The following NDUFAF2 variants were observed in gnomAD, a reference collection of about 807,000 sequenced individuals.
NDUFAF2 encodes the protein NADH:ubiquinone oxidoreductase complex assembly factor 2, also known as NADH dehydrogenase [ubiquinone] 1 alpha subcomplex assembly factor 2.
In NDUFAF2, 13 loss-of-function variants were observed where a neutral mutation model predicts 22.8. The ratio of observed to expected loss-of-function variants is 0.57; its 90% CI spans 0.37 to 0.91. The LOEUF is 0.91. Among genes scored for constraint, NDUFAF2 ranks in the 40% least tolerant of loss-of-function variants. NDUFAF2 has a pLI of 0.01. For missense variants in NDUFAF2, 162 were observed against 195.2 expected (o/e 0.83, Z 1.01); for synonymous variants, 53 against 64.2 (o/e 0.83, Z 0.84).
chr5:61,103,898 C>T (rs1051472224), intron 3 of NDUFAF2, among the ~76,000 whole-genome samples: 1 of 151,956 alleles, frequency 6.6e-6, no homozygotes, highest in African/African-American at 2.4e-5. Context: ...CCCATACAGC[C>T]ATTCTGTTTT....
chr5:61,056,449 T>G (rs1752090420), intron 1 of NDUFAF2, among the ~76,000 whole-genome samples: 1 of 152,220 alleles, frequency 6.6e-6, no homozygotes, highest in South Asian at 2.1e-4. Flanking sequence ...AGCCTGCCTT[T>G]TGGTGCAATC....
chr5:61,077,758 A>G (rs1752387288), intron 2 of NDUFAF2, among the ~76,000 whole-genome samples: 1 of 152,326 alleles, frequency 6.6e-6, no homozygotes, highest in Admixed American at 6.5e-5. Context: ...TGACCTTTGA[A>G]CAAAAGCTTG....
intron 3 of NDUFAF2, among the ~76,000 whole-genome samples, chr5:61,110,614 T>A (rs1752828117): frequency 6.6e-6 from 1 of 152,090 alleles, no homozygotes. Flanking sequence ...GGCTTATAGT[T>A]GCTCATAGTA....
At chr5:61,124,590 A>C (rs184569396) in intron 3 of NDUFAF2, among the ~76,000 whole-genome samples, 1 of 152,198 alleles carries the variant, frequency 6.6e-6, no homozygotes, top group African/African-American at 2.4e-5. Context: ...TGTATTGTAC[A>C]TGTAGCTATT....
At chr5:61,069,536 G>A (rs1364130826) in intron 1 of NDUFAF2, among the ~76,000 whole-genome samples, 3 of 152,068 alleles carry the variant, frequency 2.0e-5, no homozygotes, top group African/African-American at 7.2e-5. Context: ...TGAGTATTGA[G>A]GAAAAATGCA....
At chr5:61,061,093 G>A (rs1049770718) in intron 1 of NDUFAF2, among the ~76,000 whole-genome samples, 2 of 152,086 alleles carry the variant, frequency 1.3e-5, no homozygotes, top group African/African-American at 4.8e-5. Context: ...ACCCTAGGAA[G>A]GCAGTATTTG....
intron 2 of NDUFAF2, among the ~76,000 whole-genome samples, chr5:61,074,413 C>T (rs1012837128): frequency 2.0e-5 from 3 of 152,098 alleles, no homozygotes; most frequent in African/African-American, 7.2e-5. Flanking sequence ...ATGGTGAAAC[C>T]CCGTCTCTAC....
intron 1 of NDUFAF2, 142 bp downstream of exon 1, chr5:60,945,524 C>A: frequency 8.2e-7 from 1 of 1,213,224 alleles, no homozygotes; most frequent in South Asian, 1.3e-5. Flanking sequence ...GTTCGTTCTC[C>A]CCTGTCGACC....
At chr5:60,996,135 C>T (rs1171190052) in intron 1 of NDUFAF2, among the ~76,000 whole-genome samples, 5 of 151,988 alleles carry the variant, frequency 3.3e-5, no homozygotes, top group Admixed American at 3.3e-4. Context: ...GGTGCTGTAC[C>T]CCACTGTGGC....
At chr5:60,954,102 G>A (rs1750582860) in intron 1 of NDUFAF2, among the ~76,000 whole-genome samples, 2 of 152,110 alleles carry the variant, frequency 1.3e-5, no homozygotes, top group South Asian at 4.1e-4. Flanking sequence ...AAAGTAGCTG[G>A]TAACTAGGAC....
chr5:60,978,203 G>A (rs1750928571), intron 1 of NDUFAF2, among the ~76,000 whole-genome samples: 1 of 152,174 alleles, frequency 6.6e-6, no homozygotes, highest in East Asian at 1.9e-4. Context: ...ACCAGCCCTA[G>A]TCAGAAGTGA....
chr5:61,014,060 G>A (rs928261344), intron 1 of NDUFAF2, among the ~76,000 whole-genome samples: 4 of 152,176 alleles, frequency 2.6e-5, no homozygotes, highest in Non-Finnish European at 4.4e-5. Flanking sequence ...TCATGAGATG[G>A]CTGGTGGCAA....
intron 1 of NDUFAF2, among the ~76,000 whole-genome samples, chr5:61,041,460 G>A (rs1315040493): frequency 6.6e-6 from 1 of 152,054 alleles, no homozygotes; most frequent in Non-Finnish European, 1.5e-5. Flanking sequence ...GATTCCCAGT[G>A]TTGGTTTTAA....
intron 3 of NDUFAF2, among the ~76,000 whole-genome samples, chr5:61,144,578 C>G (rs1202628330): frequency 6.6e-6 from 1 of 152,170 alleles, no homozygotes; most frequent in Non-Finnish European, 1.5e-5. Context: ...CACCTCTGGT[C>G]TGAGTGTGGC....
chr5:60,999,749 T>A (rs1240765397), intron 1 of NDUFAF2, among the ~76,000 whole-genome samples: 1 of 152,104 alleles, frequency 6.6e-6, no homozygotes, highest in Non-Finnish European at 1.5e-5. Flanking sequence ...CTAGTTACAC[T>A]AGTTTGTAGG....
At chr5:60,988,497 C>T (rs1249928009) in intron 1 of NDUFAF2, among the ~76,000 whole-genome samples, 1 of 152,072 alleles carries the variant, frequency 6.6e-6, no homozygotes, top group Non-Finnish European at 1.5e-5. Context: ...AAGAACAAAC[C>T]TGGAGGCATA....
intron 2 of NDUFAF2, among the ~76,000 whole-genome samples, chr5:61,074,515 G>T (rs1479709981): frequency 2.7e-5 from 4 of 149,692 alleles, no homozygotes; most frequent in African/African-American, 9.9e-5. Flanking sequence ...TGAACCCGGG[G>T]GGCAGAGGTT....
At chr5:61,005,626 C>A (rs1173317506) in intron 1 of NDUFAF2, among the ~76,000 whole-genome samples, 1 of 152,146 alleles carries the variant, frequency 6.6e-6, no homozygotes, top group African/African-American at 2.4e-5. Context: ...TAATGATCAC[C>A]ATTCTAACTG....
intron 2 of NDUFAF2, among the ~76,000 whole-genome samples, chr5:61,092,248 G>A (rs1165312701): frequency 6.6e-6 from 1 of 152,018 alleles, no homozygotes; most frequent in Non-Finnish European, 1.5e-5. Flanking sequence ...TTCTAGTTCT[G>A]TGAAGAACGT....
Sources: gnomAD v4.1 joint callset for allele counts (sites outside exome capture counted in the v4.1 genomes callset) on GRCh38, gnomAD v4.1.1 for gene constraint, MANE v1.5 for transcripts, NCBI Gene and HGNC (gene_info 2026-07-23, HGNC 2026-07-21) for gene names.